SHISAL2A: variants seen among roughly 807,000 people sequenced by gnomAD.
SHISAL2A encodes the protein shisa like 2A, also known as protein shisa-like-2A.
SHISAL2A carries 18 observed loss-of-function variants against 11.5 expected under a neutral mutation model. That is an observed-to-expected ratio of 1.57 (90% CI 1.08 to 2.33). The LOEUF (loss-of-function observed/expected upper bound fraction) is 2.33, where lower values mean the gene tolerates loss of function less well. Among genes scored for constraint, SHISAL2A ranks in the 30% most tolerant of loss-of-function variants. The pLI is 0.00. For synonymous variants in SHISAL2A, 94 were observed against 99.6 expected (o/e 0.94, Z 0.34); for missense variants, 261 against 250.9 (o/e 1.04, Z -0.27).
At chr1:52,643,088 C>A in intron 2 of SHISAL2A, 86 bp downstream of exon 2, 2 of 1,361,136 alleles carry the variant, frequency 1.5e-6, no homozygotes, top group Non-Finnish European at 2.0e-6. Context: ...ATGTTTGGAA[C>A]ATTTGCCTCA....
intron 2 of SHISAL2A, among the ~76,000 whole-genome samples, chr1:52,648,505 T>C (rs1691553543): frequency 6.6e-6 from 1 of 152,140 alleles, no homozygotes; most frequent in Non-Finnish European, 1.5e-5. Context: ...AACTCTCCCC[T>C]TCACCCTCCT....
At chr1:52,643,080 G>A (rs1288446755) in intron 2 of SHISAL2A, 78 bp downstream of exon 2, 12 of 1,441,578 alleles carry the variant, frequency 8.3e-6, no homozygotes, top group African/African-American at 2.8e-5. Flanking sequence ...TAGAAATGAT[G>A]TTTGGAACAT....
chr1:52,638,579 T>G (rs1691289531), intron 1 of SHISAL2A, among the ~76,000 whole-genome samples: 1 of 152,120 alleles, frequency 6.6e-6, no homozygotes, highest in Non-Finnish European at 1.5e-5. Context: ...GCAAGTAGTT[T>G]ATGTGGAAAG....
At chr1:52,648,396 G>T (rs1311142757) in intron 2 of SHISAL2A, among the ~76,000 whole-genome samples, 1 of 152,062 alleles carries the variant, frequency 6.6e-6, no homozygotes, top group South Asian at 2.1e-4. Flanking sequence ...CATATTATTT[G>T]CTCTTTATGG....
At chr1:52,654,539 A>G (rs1691748776) in intron 2 of SHISAL2A, among the ~76,000 whole-genome samples, 2 of 152,214 alleles carry the variant, frequency 1.3e-5, no homozygotes. Flanking sequence ...TGCAAAATCA[A>G]TTCAACTGGG....
At chr1:52,639,834 G>A (rs1691321443) in intron 1 of SHISAL2A, 1 of 152,028 alleles carries the variant, frequency 6.6e-6, no homozygotes, top group Non-Finnish European at 1.5e-5. Flanking sequence ...TGTCACCTAG[G>A]CTGGAGTGCA....
chr1:52,664,823 T>C (rs529544270), intron 4 of SHISAL2A, among the ~76,000 whole-genome samples: 2 of 152,220 alleles, frequency 1.3e-5, no homozygotes, highest in Admixed American at 1.3e-4. Flanking sequence ...AGGATCTTGC[T>C]CTGTGCCCAG....
chr1:52,653,706 T>C (rs1218447867), intron 2 of SHISAL2A, among the ~76,000 whole-genome samples: 1 of 152,012 alleles, frequency 6.6e-6, no homozygotes, highest in Non-Finnish European at 1.5e-5. Flanking sequence ...GTTCATGAAT[T>C]GCAAAACTCA....
intron 4 of SHISAL2A, among the ~76,000 whole-genome samples, chr1:52,666,585 T>C (rs528548622): frequency 9.5e-4 from 124 of 130,446 alleles, no homozygotes; most frequent in Middle Eastern, 3.7e-3. Flanking sequence ...CACACGCGCG[T>C]GTGTGTGTGT....
chr1:52,655,646 A>G (rs1164266302), intron 2 of SHISAL2A, among the ~76,000 whole-genome samples: 1 of 152,124 alleles, frequency 6.6e-6, no homozygotes, highest in Non-Finnish European at 1.5e-5. Context: ...AATGTTTTTG[A>G]AAAAGGATAT....
intron 1 of SHISAL2A, among the ~76,000 whole-genome samples, chr1:52,638,130 C>A (rs1011562296): frequency 6.6e-6 from 1 of 152,146 alleles, no homozygotes; most frequent in East Asian, 1.9e-4. Context: ...AGTTTAGTTC[C>A]TCTGTCACCA....
chr1:52,657,178 GC>G, downstream of SHISAL2A: 1 of 1,218,626 alleles, frequency 8.2e-7, no homozygotes, highest in South Asian at 1.5e-5. Context: ...TGTGGACCCT[GC>G]CATACTGTTC....
chr1:52,641,762 C>A (rs915528540), intron 1 of SHISAL2A, among the ~76,000 whole-genome samples: 1 of 151,194 alleles, frequency 6.6e-6, no homozygotes, highest in Non-Finnish European at 1.5e-5. Flanking sequence ...GACAACATAG[C>A]AAAACCTGGT....
At chr1:52,661,581 C>T (rs1571703625), downstream of SHISAL2A, among the ~76,000 whole-genome samples, 2 of 152,188 alleles carry the variant, frequency 1.3e-5, no homozygotes, top group African/African-American at 4.8e-5. Context: ...TGGGTCCCAC[C>T]TGGGAAGTCT....
At chr1:52,651,412 T>G (rs996456744) in intron 2 of SHISAL2A, among the ~76,000 whole-genome samples, 1 of 152,066 alleles carries the variant, frequency 6.6e-6, no homozygotes, top group Admixed American at 6.6e-5. Flanking sequence ...AATATTTGTA[T>G]TTTTAGTAGA....
intron 2 of SHISAL2A, among the ~76,000 whole-genome samples, chr1:52,650,715 G>A (rs1177118870): frequency 1.4e-5 from 2 of 143,772 alleles, no homozygotes; most frequent in Non-Finnish European, 3.0e-5. Flanking sequence ...TGTGATCTTG[G>A]CTCACTGCAA....
At chr1:52,663,653 C>G (rs557753084) in intron 4 of SHISAL2A, among the ~76,000 whole-genome samples, 4 of 152,028 alleles carry the variant, frequency 2.6e-5, no homozygotes, top group African/African-American at 9.7e-5. Flanking sequence ...CCCAGCTACT[C>G]GGGAAGCTGA....
At chr1:52,646,805 G>T (rs1377321922) in intron 2 of SHISAL2A, among the ~76,000 whole-genome samples, 1 of 151,954 alleles carries the variant, frequency 6.6e-6, no homozygotes, top group Non-Finnish European at 1.5e-5. Context: ...TTTAATGGGT[G>T]ATTTCACTGT....
exon 5 of SHISAL2A, chr1:52,667,473 T>C (rs1486169458): frequency 1.5e-5 from 5 of 342,118 alleles, no homozygotes; most frequent in Non-Finnish European, 2.1e-5. Context: ...AGACAGATCA[T>C]CACCATCACC....
Sources: allele counts gnomAD v4.1 joint callset (sites outside exome capture counted in the v4.1 genomes callset), GRCh38; gene constraint gnomAD v4.1.1; transcripts MANE v1.5; gene names NCBI Gene and HGNC (gene_info 2026-07-23, HGNC 2026-07-21).